WDFY2: variants seen among roughly 807,000 people sequenced by gnomAD.
The protein encoded by WDFY2 is WD repeat and FYVE domain containing 2, also known as WD repeat and FYVE domain-containing protein 2.
WDFY2 carries 36 observed loss-of-function variants against 56.4 expected under a neutral mutation model. That is an observed-to-expected ratio of 0.64 (90% CI 0.49 to 0.84). WDFY2 has a LOEUF of 0.84. Among genes scored for constraint, WDFY2 ranks in the 40% least tolerant of loss-of-function variants. The pLI is 0.00. For synonymous variants in WDFY2, 176 were observed against 183.7 expected (o/e 0.96, Z 0.34); for missense variants, 444 against 512.2 (o/e 0.87, Z 1.29).
At chr13:51,601,765 A>AC (rs1954288069) in intron 1 of WDFY2, among the ~76,000 whole-genome samples, 1 of 152,122 alleles carries the variant, frequency 6.6e-6, no homozygotes, top group African/African-American at 2.4e-5. Flanking sequence ...ATCGGACTCC[A>AC]CGCCCCTTCT....
At chr13:51,741,112 C>G (rs2138693075) in intron 7 of WDFY2, among the ~76,000 whole-genome samples, 1 of 152,348 alleles carries the variant, frequency 6.6e-6, no homozygotes, top group South Asian at 2.1e-4. Flanking sequence ...TAACAAATAG[C>G]TCTTCCAGTT....
At chr13:51,731,081 G>A (rs1952712741) in intron 6 of WDFY2, among the ~76,000 whole-genome samples, 3 of 152,236 alleles carry the variant, frequency 2.0e-5, no homozygotes, top group Non-Finnish European at 4.4e-5. Context: ...ATGGGACTGT[G>A]ACAGTGGGAA....
intron 2 of WDFY2, among the ~76,000 whole-genome samples, chr13:51,673,602 G>GA (rs1236582789): frequency 6.6e-6 from 1 of 151,930 alleles, no homozygotes; most frequent in Non-Finnish European, 1.5e-5. Flanking sequence ...TTTTTCTTTA[G>GA]ATTTTTTTTC....
chr13:51,761,601 T>G lies in WDFY2; in HGVS notation c.*1832T>G, dbSNP rs1204441888. On this transcript the variant is annotated 3_prime_UTR_variant, in exon 12 of 12. Transcript: ENST00000298125. Reference sequence around the variant, plus strand: ...ATGGGAGTGAAATTGAAATCCTCCCTATTATTTTCCCTCTTTTCCTGGAAA... The same window carrying G: ...ATGGGAGTGAAATTGAAATCCTCCCGATTATTTTCCCTCTTTTCCTGGAAA... 6.6e-6 allele frequency: 1 copy of G among 152,168 alleles called. No homozygotes were observed. 9.4% of individuals were successfully genotyped at this position (152,168 alleles called of 1,614,324 possible).
At chr13:51,620,009 C>A (rs141030277) in intron 1 of WDFY2, among the ~76,000 whole-genome samples, 3 of 152,214 alleles carry the variant, frequency 2.0e-5, no homozygotes, top group African/African-American at 4.8e-5. Flanking sequence ...ACTTAATAGT[C>A]CTTCTTTTCT....
intron 1 of WDFY2, among the ~76,000 whole-genome samples, chr13:51,645,293 G>A (rs1209933853): frequency 2.0e-5 from 3 of 151,938 alleles, no homozygotes; most frequent in Non-Finnish European, 2.9e-5. Flanking sequence ...TGGAAATTCA[G>A]GGCCTTCAAA....
At chr13:51,635,923 G>C (rs1176183280) in intron 1 of WDFY2, among the ~76,000 whole-genome samples, 1 of 152,010 alleles carries the variant, frequency 6.6e-6, no homozygotes, top group African/African-American at 2.4e-5. Context: ...TTTCTCTTCT[G>C]GTGTCCCTAT....
At chr13:51,603,934 G>A (rs543840158) in intron 1 of WDFY2, among the ~76,000 whole-genome samples, 13 of 152,308 alleles carry the variant, frequency 8.5e-5, no homozygotes, top group African/African-American at 3.1e-4. Flanking sequence ...AGAGGGAGCA[G>A]TGGGGATTGT....
chr13:51,679,321 T>A lies in WDFY2; in HGVS notation c.279+4078T>A, dbSNP rs187403947. ...GTGGAGAGAGATATATATATCTTTATAAATACTTATTTTCTTCTCCATCAA... is the reference window on the plus strand; with the variant it reads ...GTGGAGAGAGATATATATATCTTTAAAAATACTTATTTTCTTCTCCATCAA... On this transcript the variant is annotated intron_variant, in intron 3 of 11. Transcript: ENST00000298125. 1.4e-3 allele frequency among the ~76,000 whole-genome samples: 214 copies of A among 152,366 alleles called. 1 individual carries two copies. The highest frequency in any genetic ancestry group is 2.6e-3 in the Non-Finnish European group (175 of 68,046).
intron 1 of WDFY2, 135 bp downstream of exon 1, chr13:51,584,959 T>G: frequency 3.4e-4 from 390 of 1,133,238 alleles, no homozygotes; most frequent in East Asian, 9.9e-4. Flanking sequence ...ATGCGCATCC[T>G]GGTGGTGCCG....
At chr13:51,710,522 T>A (rs954778019) in intron 4 of WDFY2, among the ~76,000 whole-genome samples, 9 of 152,170 alleles carry the variant, frequency 5.9e-5, no homozygotes, top group Non-Finnish European at 1.3e-4. Flanking sequence ...ATGACATGAT[T>A]GTGTATCTAG....
intron 6 of WDFY2, among the ~76,000 whole-genome samples, chr13:51,732,993 ACTC>A (rs1251110862): frequency 4.0e-5 from 6 of 151,794 alleles, no homozygotes; most frequent in South Asian, 2.1e-4. Flanking sequence ...TAAAAGGTCC[ACTC>A]CTCTTGCGGA....
At chr13:51,646,831 G>GT (rs1394348011) in intron 1 of WDFY2, among the ~76,000 whole-genome samples, 3 of 152,188 alleles carry the variant, frequency 2.0e-5, no homozygotes, top group Non-Finnish European at 4.4e-5. Flanking sequence ...GCTAGGATGG[G>GT]TAGGGGCATG....
intron 1 of WDFY2, among the ~76,000 whole-genome samples, chr13:51,616,085 A>C (rs755322269): frequency 4.6e-5 from 7 of 152,152 alleles, no homozygotes; most frequent in Non-Finnish European, 1.0e-4. Context: ...CTTTATAAAG[A>C]CATTAGTCGA....
chr13:51,720,779 A>G (rs1952469578), intron 5 of WDFY2, among the ~76,000 whole-genome samples: 1 of 152,154 alleles, frequency 6.6e-6, no homozygotes, highest in Non-Finnish European at 1.5e-5. Flanking sequence ...TTCGTAGACA[A>G]CATCTCACTG....
intron 1 of WDFY2, among the ~76,000 whole-genome samples, chr13:51,659,354 GATAAA>G (rs1017784772): frequency 2.0e-5 from 3 of 152,182 alleles, no homozygotes; most frequent in South Asian, 2.1e-4. Flanking sequence ...CTCTCTCTGA[GATAAA>G]AGTGCTCAGT....
At chr13:51,706,063 T>C (rs975491580) in intron 4 of WDFY2, among the ~76,000 whole-genome samples, 6 of 152,228 alleles carry the variant, frequency 3.9e-5, no homozygotes, top group Non-Finnish European at 5.9e-5. Flanking sequence ...TAGAAACTTC[T>C]CTTCATATGC....
intron 1 of WDFY2, among the ~76,000 whole-genome samples, chr13:51,658,014 T>A (rs1393385618): frequency 2.0e-5 from 3 of 152,196 alleles, no homozygotes; most frequent in Non-Finnish European, 4.4e-5. Context: ...AGTTTATTTG[T>A]TTTTCTTTTC....
chr13:51,632,537 C>T (rs554181665), intron 1 of WDFY2, among the ~76,000 whole-genome samples: 20 of 152,010 alleles, frequency 1.3e-4, no homozygotes, highest in East Asian at 1.2e-3. Flanking sequence ...TTCAGGTTCC[C>T]GTTTGGTTTT....
Sources: allele counts gnomAD v4.1 joint callset (sites outside exome capture counted in the v4.1 genomes callset), GRCh38; gene constraint gnomAD v4.1.1; transcripts MANE v1.5; gene names NCBI Gene and HGNC (gene_info 2026-07-23, HGNC 2026-07-21).